The following ASCC1 variants were observed in gnomAD, a reference collection of about 807,000 sequenced individuals.
The protein encoded by ASCC1 is activating signal cointegrator 1 complex subunit 1.
Under a neutral mutation model 46.6 loss-of-function variants are expected in ASCC1, and 35 were observed. The ratio of observed to expected loss-of-function variants is 0.75; its 90% confidence interval spans 0.57 to 0.99. The LOEUF is 0.99. ASCC1 is among the 50% of genes least tolerant of loss of function. The pLI is 0.00. For synonymous variants in ASCC1, 143 were observed against 146.6 expected (o/e 0.98, Z 0.18); for missense variants, 376 against 428.7 (o/e 0.88, Z 1.09).
chr10:72,114,111 T>C (rs980036822), intron 9 of ASCC1, among the ~76,000 whole-genome samples: 3 of 152,202 alleles, frequency 2.0e-5, no homozygotes, highest in Non-Finnish European at 2.9e-5. Context: ...GTGCATACCA[T>C]AGAGAAGCAC....
At position 72,198,604 on chromosome 10, in the gene ASCC1, A is replaced by G. The variant is rs80073349; in HGVS notation, c.311-1615T>C. 2.4e-3 allele frequency: 1,093 copies of G among 455,674 alleles called. 10 individuals are homozygous for G. The highest frequency in any genetic ancestry group is 6.0e-3 in the South Asian group (387 of 64,554). The allele number at this position is 455,674 out of a possible 1,614,324, so 28.2% of individuals were successfully genotyped here. On this transcript the variant is annotated intron_variant, in intron 4 of 9. Coordinates refer to ENST00000672957, the MANE Select transcript of ASCC1 (RefSeq NM_001198800.3). ...TCCATTGCCTGAGATTTCAAAACAGACAAGACCAGATCCTTGTCTAGAGGA... is the reference window on the plus strand; with the variant it reads ...TCCATTGCCTGAGATTTCAAAACAGGCAAGACCAGATCCTTGTCTAGAGGA...
chr10:72,127,984 TGAA>T lies in ASCC1; in HGVS notation c.957+95_957+97del, dbSNP rs930109070. 2.5e-5 allele frequency: 24 copies of T among 968,616 alleles called. No individual in the cohort carries two copies. The African/African-American group carries it at 3.3e-4, about 13-fold the overall frequency. 60.0% of individuals were successfully genotyped at this position (968,616 alleles called of 1,614,324 possible). A position where few individuals can be genotyped will look rare whatever the true frequency, so the allele number is the denominator to read the frequency against. ...AAAAAAAAAAGTATGAGAAAAAGTA[TGAA>T]GAAGTATGAAGAAATATACGGAGAA... On this transcript the variant is annotated intron_variant, in intron 9 of 9. Transcript: ENST00000672957.
chr10:72,175,125 T>C (rs982352526), intron 5 of ASCC1, among the ~76,000 whole-genome samples: 13 of 152,192 alleles, frequency 8.5e-5, no homozygotes, highest in Non-Finnish European at 2.9e-5. Context: ...GAAAAGAGCA[T>C]TTGGCTGTGC....
At chr10:72,189,992 G>A in intron 5 of ASCC1, 1 of 757,224 alleles carries the variant, frequency 1.3e-6, no homozygotes, top group South Asian at 1.3e-5. Flanking sequence ...ACAGTCTGAT[G>A]TCATGTGCTT....
intron 3 of ASCC1, among the ~76,000 whole-genome samples, chr10:72,207,283 G>A (rs532786886): frequency 5.6e-4 from 85 of 152,036 alleles, no homozygotes; most frequent in Non-Finnish European, 1.0e-3. Context: ...GTGTGGTGGC[G>A]CATGCCTGTA....
intron 9 of ASCC1, among the ~76,000 whole-genome samples, chr10:72,104,723 T>A (rs1842154763): frequency 6.6e-6 from 1 of 152,154 alleles, no homozygotes; most frequent in Non-Finnish European, 1.5e-5. Flanking sequence ...CAGTATTTTT[T>A]AAAACCTGCT....
chr10:72,212,279 CT>C (rs1365338481), intron 2 of ASCC1: 1 of 174,098 alleles, frequency 5.7e-6, no homozygotes, highest in South Asian at 9.5e-5. Flanking sequence ...CGCCACTGCA[CT>C]CCAGCCTGGG....
intron 3 of ASCC1, among the ~76,000 whole-genome samples, chr10:72,208,767 ATG>A (rs57724546): frequency 0.052 from 7,869 of 151,224 alleles, 690 homozygotes; most frequent in African/African-American, 0.18. Context: ...CTCAAAAAAA[ATG>A]TGTGTGTGTG....
intron 5 of ASCC1, among the ~76,000 whole-genome samples, chr10:72,167,435 T>G (rs929400050): frequency 1.3e-5 from 2 of 152,178 alleles, no homozygotes; most frequent in Non-Finnish European, 2.9e-5. Context: ...AGGTTAACAG[T>G]TGCCTGTGGT....
At chr10:72,107,495 C>T (rs972545604) in intron 9 of ASCC1, among the ~76,000 whole-genome samples, 8 of 152,022 alleles carry the variant, frequency 5.3e-5, no homozygotes, top group African/African-American at 1.4e-4. Flanking sequence ...CCACCACATC[C>T]GGGGTCAAAA....
chr10:72,152,457 A>G (rs1243379167), intron 7 of ASCC1, among the ~76,000 whole-genome samples: 1 of 152,086 alleles, frequency 6.6e-6, no homozygotes, highest in Non-Finnish European at 1.5e-5. Context: ...CCTGCCTCTT[A>G]TCCTGGAAAA....
chr10:72,208,364 A>T (rs1857521917), intron 3 of ASCC1, among the ~76,000 whole-genome samples: 1 of 150,026 alleles, frequency 6.7e-6, no homozygotes, highest in Admixed American at 6.7e-5. Context: ...TTCTAAAATC[A>T]TGTTTCTTAG....
Position 72,097,026 on chromosome 10 carries a change from G to A in ASCC1, c.*308C>T, listed in dbSNP as rs1324677469. Reference sequence around the variant, plus strand: ...GAATGTATTAACAGTTAACGTTACTGAACTGTGCACTTAAAAATGGTGAAG... The same window carrying A: ...GAATGTATTAACAGTTAACGTTACTAAACTGTGCACTTAAAAATGGTGAAG... On this transcript the variant is annotated 3_prime_UTR_variant, in exon 10 of 10. Coordinates refer to ENST00000672957, the MANE Select transcript of ASCC1 (RefSeq NM_001198800.3). 2.1e-6 allele frequency: 1 copy of A among 465,510 alleles called. No homozygotes were observed. Among genetic ancestry groups the A allele is most frequent in the Non-Finnish European group, 4.3e-6 (1 of 234,398 alleles). The allele number at this position is 465,510 out of a possible 1,614,324, so 28.8% of individuals were successfully genotyped here. A position where few individuals can be genotyped will look rare whatever the true frequency, so the allele number is the denominator to read the frequency against.
chr10:72,096,157 A>T lies in ASCC1; in HGVS notation c.*1177T>A. 1 of 454,172 alleles carries T rather than the reference A, an allele frequency of 2.2e-6. No individual in the cohort carries two copies. The highest frequency in any genetic ancestry group is 4.4e-6 in the Non-Finnish European group (1 of 226,798). 28.1% of individuals were successfully genotyped at this position (454,172 alleles called of 1,614,324 possible). A position where few individuals can be genotyped will look rare whatever the true frequency, so the allele number is the denominator to read the frequency against. On this transcript the variant is annotated 3_prime_UTR_variant, in exon 10 of 10. Transcript: ENST00000672957. ...AGAAGTGCAGTTAAAGAATATAAAGAGAGAAAGAATCAAGGCAAGAATAAG... is the reference window on the plus strand; with the variant it reads ...AGAAGTGCAGTTAAAGAATATAAAGTGAGAAAGAATCAAGGCAAGAATAAG...
At chr10:72,131,954 C>T (rs1052967829) in intron 8 of ASCC1, among the ~76,000 whole-genome samples, 11 of 150,722 alleles carry the variant, frequency 7.3e-5, no homozygotes, top group Non-Finnish European at 1.5e-4. Context: ...CTGTAACCTC[C>T]GCCTCCCAGG....
At chr10:72,155,011 T>C (rs552006789) in intron 6 of ASCC1, among the ~76,000 whole-genome samples, 1 of 152,262 alleles carries the variant, frequency 6.6e-6, no homozygotes, top group South Asian at 2.1e-4. Flanking sequence ...ACTGATATAA[T>C]AAGTTATATT....
At chr10:72,178,763 T>TCCC in intron 5 of ASCC1, among the ~76,000 whole-genome samples, 1 of 152,164 alleles carries the variant, frequency 6.6e-6, no homozygotes, top group Non-Finnish European at 1.5e-5. Context: ...GGTAATTTTT[T>TCCC]ACACAGCAAT....
At chr10:72,213,992 C>G (rs181753990) in intron 1 of ASCC1, among the ~76,000 whole-genome samples, 309 of 151,714 alleles carry the variant, frequency 2.0e-3, no homozygotes, top group Non-Finnish European at 3.5e-3. Flanking sequence ...GAGCTAAGAT[C>G]GCGCCACTGC....
At chr10:72,193,476 ACAC>A (rs1370020212) in intron 5 of ASCC1, among the ~76,000 whole-genome samples, 11 of 142,882 alleles carry the variant, frequency 7.7e-5, no homozygotes, top group African/African-American at 2.6e-4. Flanking sequence ...ACACACACAC[ACAC>A]CACACACACA....
Sources: gnomAD v4.1 joint callset for allele counts (sites outside exome capture counted in the v4.1 genomes callset) on GRCh38, gnomAD v4.1.1 for gene constraint, MANE v1.5 for transcripts, NCBI Gene and HGNC (gene_info 2026-07-23, HGNC 2026-07-21) for gene names.